KIF5C: variants seen among roughly 807,000 people sequenced by gnomAD.
KIF5C encodes kinesin family member 5C.
In KIF5C, 18 loss-of-function variants were observed where a neutral mutation model predicts 125.2. That is an observed-to-expected ratio of 0.14 (90% CI 0.10 to 0.21). The LOEUF (loss-of-function observed/expected upper bound fraction) is 0.21. Ranked by LOEUF, KIF5C falls within the 10% of genes least tolerant of loss-of-function variation. The pLI, the probability that KIF5C is intolerant of heterozygous loss-of-function variation, is 1.00. For synonymous variants in KIF5C, 405 were observed against 434.0 expected, an observed-to-expected ratio of 0.93 and a Z score of 0.83; for missense variants, 780 against 1,183.8, an observed-to-expected ratio of 0.66 and a Z score of 5.01.
intron 13 of KIF5C, among the ~76,000 whole-genome samples, chr2:148,979,244 G>T (rs1346501834): frequency 6.6e-6 from 1 of 152,174 alleles, no homozygotes; most frequent in East Asian, 1.9e-4. Context: ...TTCTGGAAGG[G>T]CAGAGACCTT....
At chr2:148,982,024 G>A (rs1287367438) in intron 14 of KIF5C, among the ~76,000 whole-genome samples, 1 of 152,206 alleles carries the variant, frequency 6.6e-6, no homozygotes, top group Non-Finnish European at 1.5e-5. Flanking sequence ...CATATGCTAC[G>A]ATATCAATAC....
chr2:148,937,769 G>A (rs892896096), intron 4 of KIF5C, among the ~76,000 whole-genome samples: 40 of 152,344 alleles, frequency 2.6e-4, no homozygotes, highest in African/African-American at 8.9e-4. Context: ...GAAAAGGGCT[G>A]TAAGGCCAAA....
intron 11 of KIF5C, among the ~76,000 whole-genome samples, chr2:148,969,681 T>G (rs1357380336): frequency 6.6e-6 from 1 of 152,194 alleles, no homozygotes; most frequent in East Asian, 1.9e-4. Context: ...TGCAGCTGTC[T>G]TCCTTGTTAG....
chr2:148,984,322 C>T (rs915022278), intron 15 of KIF5C, among the ~76,000 whole-genome samples: 7 of 152,184 alleles, frequency 4.6e-5, no homozygotes, highest in Non-Finnish European at 1.0e-4. Flanking sequence ...CACCTCAGAC[C>T]TATTGAATCA....
chr2:148,941,824 T>G (rs1032482722), intron 5 of KIF5C, 111 bp from the exon 6 acceptor site: 12 of 1,479,502 alleles, frequency 8.1e-6, no homozygotes, highest in Non-Finnish European at 1.1e-5. Context: ...ACTTGCATAT[T>G]GCAAAGAGAT....
chr2:149,012,593 C>T (rs932277350), intron 25 of KIF5C, among the ~76,000 whole-genome samples: 6 of 152,370 alleles, frequency 3.9e-5, no homozygotes, highest in Admixed American at 2.0e-4. Context: ...CTCAGGGTCC[C>T]GGCATCGCCC....
chr2:148,935,842 A>T (rs761867929), intron 3 of KIF5C, among the ~76,000 whole-genome samples: 2 of 152,228 alleles, frequency 1.3e-5, no homozygotes, highest in Admixed American at 6.5e-5. Context: ...CTTGTAAGCA[A>T]TGGAGAGAAA....
intron 3 of KIF5C, among the ~76,000 whole-genome samples, chr2:148,930,076 G>T (rs1027948536): frequency 6.6e-5 from 10 of 152,206 alleles, no homozygotes; most frequent in Non-Finnish European, 1.2e-4. Context: ...CTGTGGTACT[G>T]GCTCTGGCCA....
chr2:148,898,445 C>T (rs759898656), intron 1 of KIF5C, among the ~76,000 whole-genome samples: 6 of 152,164 alleles, frequency 3.9e-5, no homozygotes, highest in Non-Finnish European at 5.9e-5. Context: ...GTTGCATGAC[C>T]AGTGGGAATT....
Position 148,876,483 on chromosome 2 carries a change from G to A in KIF5C, c.126+740G>A, listed in dbSNP as rs1026652870. Among the ~76,000 whole-genome samples the A allele has an allele frequency of 2.6e-5, 4 of 152,206 alleles. No homozygotes were observed. The highest frequency in any genetic ancestry group is 7.2e-5 in the African/African-American group (3 of 41,460). On this transcript the variant is annotated intron_variant, in intron 1 of 25. Coordinates refer to ENST00000435030, the MANE Select transcript of KIF5C (RefSeq NM_004522.3). The surrounding 1 kb of genome is among the most constrained non-coding windows in gnomAD (Gnocchi z 4.7). Reference sequence around the variant, plus strand: ...CCTCTGATGCGCCTCACGCTGGGTGGAGAGGAGGCTGTGTCCACATCTGTG... The same window carrying A: ...CCTCTGATGCGCCTCACGCTGGGTGAAGAGGAGGCTGTGTCCACATCTGTG...
At position 148,924,414 on chromosome 2, in the gene KIF5C, AT is replaced by A. The variant is rs1681911318; in HGVS notation, c.217+2188del. ...ATCTAAACTCTTAATGATTTGGAGC[AT>A]CTGGGAGGCTCCATTTAACTCGATG... On this transcript the variant is annotated intron_variant, in intron 2 of 25. Coordinates refer to ENST00000435030, the MANE Select transcript of KIF5C (RefSeq NM_004522.3). This position sits in a 1 kb window ranked among gnomAD's most constrained non-coding sequence, Gnocchi z 4.0. 6.6e-6 allele frequency among the ~76,000 whole-genome samples: 1 copy of A among 152,184 alleles called. No individual in the cohort carries two copies. Among genetic ancestry groups the A allele is most frequent in the African/African-American group, 2.4e-5 (1 of 41,448 alleles).
In KIF5C at chr2:148,875,578, C is replaced by A; in HGVS notation, c.-40C>A. 1 of 685,636 alleles carries A rather than the reference C, an allele frequency of 1.5e-6. No individual in the cohort carries two copies. The highest frequency in any genetic ancestry group is 2.6e-6 in the Non-Finnish European group (1 of 379,032). The allele number at this position is 685,636 out of a possible 1,614,324, so 42.5% of individuals were successfully genotyped here. The stretch of plus-strand genomic sequence containing the variant: ...TCCCTCGTCGTTCCCGGCCCCGGCC[C>A]CCCACCCATCCCCGTGCCCCCTCCC... On this transcript the variant is annotated 5_prime_UTR_variant, in exon 1 of 26. Coordinates refer to ENST00000435030, the MANE Select transcript of KIF5C (RefSeq NM_004522.3).
chr2:148,946,880 A>C lies in KIF5C; in HGVS notation c.590-19A>C, dbSNP rs1682531818. 1 of 1,610,612 alleles carries C rather than the reference A, an allele frequency of 6.2e-7. No individual in the cohort carries two copies. The highest frequency in any genetic ancestry group is 8.5e-7 in the Non-Finnish European group (1 of 1,179,214). The stretch of plus-strand genomic sequence containing the variant: ...ACCTACATGTTCTTTGTAGAGCAGT[A>C]AACTATTTTCCTTTTCAGACATGAA... On this transcript the variant is annotated intron_variant, in intron 7 of 25. Transcript: ENST00000435030.
rs189566305 is a variant in KIF5C, at chr2:148,904,775, C to T, written c.127-17362C>T. On this transcript the variant is annotated intron_variant, in intron 1 of 25. Coordinates refer to ENST00000435030, the MANE Select transcript of KIF5C (RefSeq NM_004522.3). ...TTGTTAAGTCCTCTGAAGAGAGTCA[C>T]AGAGGAAGGAGAACTAACTCTAGTA... is the stretch of plus-strand genomic sequence containing the variant. Among the ~76,000 whole-genome samples the T allele has an allele frequency of 1.2e-4, 19 of 152,286 alleles. No homozygotes were observed. The East Asian group carries it at 2.7e-3, about 22-fold the overall frequency.
chr2:148,895,973 C>A (rs1339207637), intron 1 of KIF5C, among the ~76,000 whole-genome samples: 2 of 152,150 alleles, frequency 1.3e-5, no homozygotes, highest in Admixed American at 1.3e-4. Context: ...CTTAATTACC[C>A]CCCTGAAGGC....
At position 149,025,296 on chromosome 2, in the gene KIF5C, G is replaced by A. The variant is rs1050844311; in HGVS notation, c.*2226G>A. On this transcript the variant is annotated 3_prime_UTR_variant, in exon 26 of 26. Transcript: ENST00000435030. ...AATTCTGCTAGTTGCTGATCAGCCAGTCAGTTCACCTAGCTTCAATCTTTA... is the reference window on the plus strand; with the variant it reads ...AATTCTGCTAGTTGCTGATCAGCCAATCAGTTCACCTAGCTTCAATCTTTA... 1.6e-4 allele frequency: 25 copies of A among 152,754 alleles called. No individual in the cohort carries two copies. Among genetic ancestry groups the A allele is most frequent in the African/African-American group, 5.5e-4 (23 of 41,562 alleles). The allele number at this position is 152,754 out of a possible 1,614,324, so 9.5% of individuals were successfully genotyped here. A position where few individuals can be genotyped will look rare whatever the true frequency, so the allele number is the denominator to read the frequency against.
intron 1 of KIF5C, chr2:148,879,065 G>A (rs1399169250): frequency 2.0e-5 from 3 of 152,114 alleles, no homozygotes; most frequent in Non-Finnish European, 4.4e-5. Context: ...CAGTTTTTCA[G>A]CTTTGTGCAA....
chr2:149,003,609 T>C (rs758845676), intron 21 of KIF5C, among the ~76,000 whole-genome samples: 11 of 152,138 alleles, frequency 7.2e-5, no homozygotes, highest in Non-Finnish European at 1.3e-4. Context: ...GGGATGATAA[T>C]GAATGTGATG....
At chr2:148,904,644 A>G (rs1460920846) in intron 1 of KIF5C, among the ~76,000 whole-genome samples, 2 of 152,106 alleles carry the variant, frequency 1.3e-5, no homozygotes. Flanking sequence ...TTTGACATTT[A>G]GGGTGTTTGT....
Sources: allele counts gnomAD v4.1 joint callset (sites outside exome capture counted in the v4.1 genomes callset), GRCh38; gene constraint gnomAD v4.1.1; non-coding constraint Gnocchi (gnomAD v3.1); transcripts MANE v1.5; gene names NCBI Gene and HGNC (gene_info 2026-07-23, HGNC 2026-07-21).